RCC1: variants seen among roughly 807,000 people sequenced by gnomAD.
The protein encoded by RCC1 is regulator of chromosome condensation.
RCC1 carries 11 observed loss-of-function variants against 44.4 expected under a neutral mutation model. The ratio of observed to expected loss-of-function variants is 0.25; its 90% CI spans 0.16 to 0.41. RCC1 has a LOEUF of 0.41. RCC1 is among the 10% of genes least tolerant of loss of function. The pLI, the probability that RCC1 is intolerant of heterozygous loss-of-function variation, is 1.00. For synonymous variants in RCC1, 213 were observed against 216.5 expected (o/e 0.98, Z 0.14); for missense variants, 386 against 547.1 (o/e 0.71, Z 2.94).
intron 7 of RCC1, 72 bp downstream of exon 7, chr1:28,532,422 C>T: frequency 6.6e-7 from 1 of 1,507,840 alleles, no homozygotes; most frequent in Non-Finnish European, 9.1e-7. Context: ...AAAGATAATC[C>T]ACTTCCATGC....
chr1:28,529,676 G>A (rs1018278481), intron 4 of RCC1, among the ~76,000 whole-genome samples, 182 bp from the exon 5 acceptor site: 2 of 150,604 alleles, frequency 1.3e-5, no homozygotes, highest in Non-Finnish European at 2.9e-5. Context: ...GGATACAGTA[G>A]AGAATATTTG....
At chr1:28,534,893 A>G (rs2124667121) in intron 7 of RCC1, among the ~76,000 whole-genome samples, 157 bp from the exon 8 acceptor site, 1 of 152,374 alleles carries the variant, frequency 6.6e-6, no homozygotes, top group African/African-American at 2.4e-5. Context: ...TTTTAATGCA[A>G]GTCGCAGACC....
At chr1:28,508,946 CTT>C (rs530653273) in intron 3 of RCC1, 41 bp downstream of exon 3, 133 of 483,930 alleles carry the variant, frequency 2.7e-4, no homozygotes, top group Non-Finnish European at 4.6e-4. Context: ...GTTTGACAAT[CTT>C]TGGCAGACTT....
chr1:28,515,028 A>G (rs1236557087), intron 3 of RCC1, among the ~76,000 whole-genome samples: 1 of 152,224 alleles, frequency 6.6e-6, no homozygotes, highest in East Asian at 1.9e-4. Flanking sequence ...CTGTAATTCC[A>G]ACACTTTGGG....
chr1:28,530,526 C>T (rs1206749710), intron 5 of RCC1: 3 of 1,602,548 alleles, frequency 1.9e-6, no homozygotes, highest in East Asian at 4.5e-5. Flanking sequence ...TTTGCAGACA[C>T]GAGGGCCGCT....
At position 28,508,814 on chromosome 1, in the gene RCC1, A is replaced by AT; in HGVS notation, c.-228-13dup. The AT allele has an allele frequency of 1.9e-6, 1 of 517,406 alleles. No individual in the cohort carries two copies. The highest frequency in any genetic ancestry group is 1.4e-5 in the South Asian group (1 of 71,420). 32.1% of individuals were successfully genotyped at this position (517,406 alleles called of 1,614,324 possible). ...TAGGATCTTCAGGAGTCTAATCATTATTTCTTTTCTTTTAGGAGAGAAGAC... is the reference window on the plus strand; with the variant it reads ...TAGGATCTTCAGGAGTCTAATCATTATTTTCTTTTCTTTTAGGAGAGAAGAC... On this transcript the variant is annotated splice_polypyrimidine_tract_variant and intron_variant, in intron 2 of 12. Transcript: ENST00000683442.
intron 5 of RCC1, chr1:28,530,690 G>A: frequency 7.6e-7 from 1 of 1,307,686 alleles, no homozygotes; most frequent in Non-Finnish European, 1.0e-6. Flanking sequence ...TCGGGGGAGG[G>A]GCTGGGCGCC....
At chr1:28,528,060 C>G (rs1663800774) in intron 4 of RCC1, among the ~76,000 whole-genome samples, 1 of 151,854 alleles carries the variant, frequency 6.6e-6, no homozygotes, top group Admixed American at 6.6e-5. Context: ...TGGCTCACGC[C>G]TGTAATCCCA....
chr1:28,513,105 G>T (rs1221661784), intron 3 of RCC1, among the ~76,000 whole-genome samples: 4 of 150,208 alleles, frequency 2.7e-5, no homozygotes, highest in Non-Finnish European at 1.5e-5. Flanking sequence ...GTCTCACTCT[G>T]TTGCCAAAGC....
chr1:28,511,769 TC>T (rs1404116898), intron 3 of RCC1, among the ~76,000 whole-genome samples: 2 of 150,498 alleles, frequency 1.3e-5, no homozygotes, highest in East Asian at 3.9e-4. Flanking sequence ...CCAGCAATTC[TC>T]CCACCTCAGC....
At chr1:28,532,075 T>A in intron 6 of RCC1, 85 bp downstream of exon 6, 2 of 1,563,516 alleles carry the variant, frequency 1.3e-6, no homozygotes, top group Non-Finnish European at 1.7e-6. Flanking sequence ...GCATGTTCAC[T>A]GTGGAAATGG....
chr1:28,515,099 G>A (rs929448796), intron 3 of RCC1, among the ~76,000 whole-genome samples: 5 of 152,236 alleles, frequency 3.3e-5, no homozygotes, highest in African/African-American at 9.6e-5. Flanking sequence ...CCAACATAGT[G>A]AAACCCTGTC....
intron 3 of RCC1, chr1:28,510,369 G>A (rs1206374893): frequency 3.3e-5 from 5 of 152,248 alleles, no homozygotes; most frequent in Admixed American, 1.3e-4. Flanking sequence ...CAGGCTTGGT[G>A]GCTCACACCC....
At chr1:28,523,931 C>T (rs1444153994) in intron 4 of RCC1, among the ~76,000 whole-genome samples, 1 of 152,190 alleles carries the variant, frequency 6.6e-6, no homozygotes, top group African/African-American at 2.4e-5. Context: ...ATTCTCCTGC[C>T]TCAGCCTCCC....
chr1:28,516,825 C>G lies in RCC1; in HGVS notation c.-52C>G. ...TGGAGAAATTTCACAGTACATCATC[C>G]AAAAGAGGAGTCCATGATGGAGGCA... is the stretch of plus-strand genomic sequence containing the variant. On this transcript the variant is annotated 5_prime_UTR_variant, in exon 4 of 13. Transcript: ENST00000683442. The G allele has an allele frequency of 2.2e-6, 1 of 456,350 alleles. No homozygotes were observed. Among genetic ancestry groups the G allele is most frequent in the Non-Finnish European group, 4.4e-6 (1 of 226,888 alleles). 28.3% of individuals were successfully genotyped at this position (456,350 alleles called of 1,614,324 possible).
intron 4 of RCC1, among the ~76,000 whole-genome samples, chr1:28,520,020 C>G (rs1354215977): frequency 6.6e-6 from 1 of 152,030 alleles, no homozygotes; most frequent in African/African-American, 2.4e-5. Flanking sequence ...CTATAATTTT[C>G]ATAAAGCAGT....
At position 28,536,646 on chromosome 1, in the gene RCC1, A is replaced by G. The variant is rs958029820; in HGVS notation, c.938-101A>G. ...ATCTCCTTCTGATCGCTCTGGGAGC[A>G]GGGACACACTCCCATGGACAGGTGG... On this transcript the variant is annotated intron_variant, in intron 11 of 12. Transcript: ENST00000683442. This position sits in a 1 kb window ranked among gnomAD's most constrained non-coding sequence, Gnocchi z 4.9. 2.0e-5 allele frequency: 28 copies of G among 1,385,822 alleles called. No homozygotes were observed. In the Admixed American group the frequency reaches 5.1e-4, roughly 25 times the overall value. 85.8% of individuals were successfully genotyped at this position (1,385,822 alleles called of 1,614,324 possible).
At chr1:28,510,592 A>C (rs1662460173) in intron 3 of RCC1, 1 of 152,196 alleles carries the variant, frequency 6.6e-6, no homozygotes, top group Non-Finnish European at 1.5e-5. Context: ...GACAGAGTTA[A>C]GTCTCAAAAA....
intron 1 of RCC1, chr1:28,507,616 T>G: frequency 2.1e-6 from 1 of 478,972 alleles, no homozygotes; most frequent in Non-Finnish European, 4.1e-6. Context: ...TTTTTTTTTT[T>G]TTTTTGGAGA....
Sources: gnomAD v4.1 joint callset for allele counts (sites outside exome capture counted in the v4.1 genomes callset) on GRCh38, gnomAD v4.1.1 for gene constraint, Gnocchi (gnomAD v3.1) non-coding constraint, MANE v1.5 for transcripts, NCBI Gene and HGNC (gene_info 2026-07-23, HGNC 2026-07-21) for gene names.